PHACTR2: variants seen among roughly 807,000 people sequenced by gnomAD.
PHACTR2 encodes chromosome 6 open reading frame 56.
A neutral mutation model predicts 76.0 loss-of-function variants in PHACTR2; 30 were observed. The observed-to-expected ratio is 0.39, with a 90% CI of 0.30 to 0.54. The LOEUF (loss-of-function observed/expected upper bound fraction) is 0.54, where lower values mean the gene tolerates loss of function less well. Among genes scored for constraint, PHACTR2 ranks in the 20% least tolerant of loss-of-function variants. The probability of loss-of-function intolerance (pLI) is 0.61; values close to 1 mark genes in which losing one functional copy is unlikely to be tolerated. For synonymous variants in PHACTR2, 292 were observed against 292.5 expected (o/e 1.00, Z 0.02); for missense variants, 696 against 781.1 (o/e 0.89, Z 1.30).
rs1354560877 is a variant in PHACTR2, at chr6:143,599,710, A to G, written c.217+62503A>G. ...TGCTAGCCTATAAGAACAGCTCATT[A>G]AGATCCAACCTATACCTTTCCCCCT... is the stretch of plus-strand genomic sequence containing the variant. On this transcript the variant is annotated intron_variant, in intron 1 of 11. Coordinates refer to the PHACTR2 transcript ENST00000367584. This position sits in a 1 kb window ranked among gnomAD's most constrained non-coding sequence, Gnocchi z 4.6. Among the ~76,000 whole-genome samples, 1 of 152,202 alleles carries G rather than the reference A, an allele frequency of 6.6e-6. No individual in the cohort carries two copies.
In PHACTR2 at chr6:143,624,578, T is replaced by C. The variant is rs1776221560; in HGVS notation, c.13+16256T>C. On this transcript the variant is annotated intron_variant, in intron 1 of 11. Coordinates refer to the PHACTR2 transcript ENST00000305766. The surrounding 1 kb of genome is among the most constrained non-coding windows in gnomAD (Gnocchi z 4.6). The stretch of plus-strand genomic sequence containing the variant: ...GGATTATATCACCACTCTTTTTTAA[T>C]GTTGTGGGAAGCAGTTTATTTTCAT... 6.6e-6 allele frequency among the ~76,000 whole-genome samples: 1 copy of C among 152,206 alleles called. No individual in the cohort carries two copies. Among genetic ancestry groups the C allele is most frequent in the Non-Finnish European group, 1.5e-5 (1 of 68,032 alleles).
intron 1 of PHACTR2, among the ~76,000 whole-genome samples, chr6:143,642,567 A>G (rs1776585868): frequency 6.6e-6 from 1 of 152,200 alleles, no homozygotes; most frequent in Non-Finnish European, 1.5e-5. Flanking sequence ...ACCTCAGAAC[A>G]TGACCTTATT....
chr6:143,720,517 T>G (rs970470227), intron 2 of PHACTR2, among the ~76,000 whole-genome samples: 6 of 152,222 alleles, frequency 3.9e-5, no homozygotes, highest in East Asian at 1.9e-4. Context: ...CTTTCAGTAA[T>G]GGTGTGGACA....
chr6:143,622,871 A>T (rs1396230207), intron 1 of PHACTR2, among the ~76,000 whole-genome samples: 6 of 152,222 alleles, frequency 3.9e-5, no homozygotes, highest in Non-Finnish European at 5.9e-5. Flanking sequence ...ATGAAGGAAG[A>T]TGTACCATAT....
rs1230878988 is a variant in PHACTR2 at position 143,771,168 on chromosome 6, A to ATGTG, written c.1233-1089_1233-1088insGTGT. Among the ~76,000 whole-genome samples the ATGTG allele has an allele frequency of 6.6e-3, 186 of 28,040 alleles. 7 individuals carry two copies. The highest frequency in any genetic ancestry group is 0.034 in the African/African-American group (179 of 5,318). The allele number at this position is 28,040 out of a possible 152,430, so 18.4% of individuals were successfully genotyped here. A position where few individuals can be genotyped will look rare whatever the true frequency, so the allele number is the denominator to read the frequency against. Reference sequence around the variant, plus strand: ...TGTATATATATATATGTATATATATATATATGTATATATATATATATGTGT... The same window carrying ATGTG: ...TGTATATATATATATGTATATATATATGTGTATATGTATATATATATATATGTGT... On this transcript the variant is annotated intron_variant, in intron 6 of 12. Transcript: ENST00000440869.
rs181770244 is a variant in PHACTR2 at position 143,817,982 on chromosome 6, A to G, written c.1923-5692A>G. 1.3e-3 allele frequency among the ~76,000 whole-genome samples: 202 copies of G among 152,314 alleles called. 1 individual carries two copies. Among genetic ancestry groups the G allele is most frequent in the African/African-American group, 4.7e-3 (196 of 41,572 alleles). On this transcript the variant is annotated intron_variant, in intron 12 of 12. Transcript: ENST00000440869. ...TATTGCATATGTTCAAAAAGCTAGA[A>G]GAGAGAATTTTGAATGTTCCTGACA...
Position 143,598,293 on chromosome 6 carries a change from G to A in PHACTR2, c.217+61086G>A, listed in dbSNP as rs1277240519. On this transcript the variant is annotated intron_variant, in intron 1 of 11. Transcript: ENST00000367584. The surrounding 1 kb of genome is among the most constrained non-coding windows in gnomAD (Gnocchi z 4.1). ...GACAAGAAGGTTAAAAGAGGAGAAG[G>A]CAATGTGACAATGAAGACAAATTTT... Among the ~76,000 whole-genome samples the A allele has an allele frequency of 6.6e-6, 1 of 152,110 alleles. No homozygotes were observed. Among genetic ancestry groups the A allele is most frequent in the Non-Finnish European group, 1.5e-5 (1 of 68,036 alleles).
In PHACTR2 at chr6:143,822,390, C is replaced by T. The variant is rs1284329495; in HGVS notation, c.1923-1284C>T. Among the ~76,000 whole-genome samples the T allele has an allele frequency of 1.3e-5, 2 of 152,016 alleles. No individual in the cohort carries two copies. The highest frequency in any genetic ancestry group is 2.9e-5 in the Non-Finnish European group (2 of 68,006). ...CCTTTTGAGAAAGAACTGGGTTGGG[C>T]GCAGTGGCTCGTACCTGTAATCACA... On this transcript the variant is annotated intron_variant, in intron 12 of 12. Transcript: ENST00000440869. This position sits in a 1 kb window ranked among gnomAD's most constrained non-coding sequence, Gnocchi z 5.5.
rs1047576128 is a variant in PHACTR2 at position 143,570,498 on chromosome 6, C to T, written c.217+33291C>T. ...ACATCGACTGCATTTCAAATACAGCCATGAAAATGTTCTATCAATAGCTTT... is the reference window on the plus strand; with the variant it reads ...ACATCGACTGCATTTCAAATACAGCTATGAAAATGTTCTATCAATAGCTTT... On this transcript the variant is annotated intron_variant, in intron 1 of 11. Transcript: ENST00000367584. This position sits in a 1 kb window ranked among gnomAD's most constrained non-coding sequence, Gnocchi z 4.6. Among the ~76,000 whole-genome samples the T allele has an allele frequency of 6.6e-6, 1 of 152,100 alleles. No homozygotes were observed. The highest frequency in any genetic ancestry group is 1.9e-4 in the East Asian group (1 of 5,198).
In PHACTR2 at chr6:143,789,878, A is replaced by G. The variant is rs1296590327; in HGVS notation, c.1845+968A>G. ...AAAGTAAGAAGGAATAAGATCACAA[A>G]GGAAGAATGTTCAGAACAAGAATAG... is the stretch of plus-strand genomic sequence containing the variant. On this transcript the variant is annotated intron_variant, in intron 11 of 12. Coordinates refer to ENST00000440869, the MANE Select transcript of PHACTR2 (RefSeq NM_001100164.2). The surrounding 1 kb of genome is among the most constrained non-coding windows in gnomAD (Gnocchi z 5.1). Among the ~76,000 whole-genome samples the G allele has an allele frequency of 6.6e-6, 1 of 152,216 alleles. No homozygotes were observed. Among genetic ancestry groups the G allele is most frequent in the East Asian group, 1.9e-4 (1 of 5,200 alleles).
chr6:143,805,539 G>T (rs1310141672), intron 11 of PHACTR2, among the ~76,000 whole-genome samples: 1 of 151,388 alleles, frequency 6.6e-6, no homozygotes, highest in Admixed American at 6.6e-5. Flanking sequence ...ATGTTAATTG[G>T]CGAGTGGTAT....
At position 143,684,000 on chromosome 6, in the gene PHACTR2, A is replaced by G. The variant is rs1562268900; in HGVS notation, c.46+5791A>G. Among the ~76,000 whole-genome samples the G allele has an allele frequency of 6.6e-6, 1 of 152,202 alleles. No homozygotes were observed. The highest frequency in any genetic ancestry group is 1.5e-5 in the Non-Finnish European group (1 of 68,028). On this transcript the variant is annotated intron_variant, in intron 1 of 12. Transcript: ENST00000440869. The surrounding 1 kb of genome is among the most constrained non-coding windows in gnomAD (Gnocchi z 4.1). ...AAATACTTCCAACTTGTTCTCTTTA[A>G]TTCTATAAATGAACACTATTATAGT...
rs1349128439 is a variant in PHACTR2 at position 143,653,858 on chromosome 6, CAA to C, written c.13+45537_13+45538del. On this transcript the variant is annotated intron_variant, in intron 1 of 11. Transcript: ENST00000305766. The surrounding 1 kb of genome is among the most constrained non-coding windows in gnomAD (Gnocchi z 4.9). ...CTAAAAGCACGAAAAACAAAAGAAACAATAATAATTTGGACATCATCAAACTA... is the reference window on the plus strand; with the variant it reads ...CTAAAAGCACGAAAAACAAAAGAAACTAATAATTTGGACATCATCAAACTA... Among the ~76,000 whole-genome samples, 2 of 151,922 alleles carry C rather than the reference CAA, an allele frequency of 1.3e-5. No homozygotes were observed. The highest frequency in any genetic ancestry group is 3.9e-4 in the East Asian group (2 of 5,194).
chr6:143,759,616 G>A (rs559481745), intron 4 of PHACTR2, among the ~76,000 whole-genome samples: 67 of 145,468 alleles, frequency 4.6e-4, no homozygotes, highest in African/African-American at 1.6e-3. Flanking sequence ...GTGAGAGAGC[G>A]AGACCCTATC....
chr6:143,567,469 G>A (rs964144092), intron 1 of PHACTR2, among the ~76,000 whole-genome samples: 2 of 152,194 alleles, frequency 1.3e-5, no homozygotes, highest in African/African-American at 4.8e-5. Context: ...CATGATCTCA[G>A]CTCACTGCAA....
rs755624152 is a variant in PHACTR2 at position 143,824,445 on chromosome 6, C to A, written c.*756C>A. On this transcript the variant is annotated 3_prime_UTR_variant, in exon 13 of 13. Coordinates refer to ENST00000440869, the MANE Select transcript of PHACTR2 (RefSeq NM_001100164.2). The surrounding 1 kb of genome is among the most constrained non-coding windows in gnomAD (Gnocchi z 6.3). ...AGTAGCATTAGCTATGCACACTTGA[C>A]ATTTTTAAATATCCCTTTCCTAGTG... 6.6e-6 allele frequency: 1 copy of A among 152,614 alleles called. No homozygotes were observed. The highest frequency in any genetic ancestry group is 2.4e-5 in the African/African-American group (1 of 41,436). 9.5% of individuals were successfully genotyped at this position (152,614 alleles called of 1,614,324 possible).
chr6:143,711,686 C>A (rs1778179197), intron 1 of PHACTR2, among the ~76,000 whole-genome samples: 2 of 152,298 alleles, frequency 1.3e-5, no homozygotes, highest in African/African-American at 4.8e-5. Context: ...ACTTAGAATA[C>A]TCTATTCCTG....
chr6:143,577,544 T>G (rs1363393412), intron 1 of PHACTR2, among the ~76,000 whole-genome samples: 1 of 152,154 alleles, frequency 6.6e-6, no homozygotes, highest in African/African-American at 2.4e-5. Context: ...GGCATTGAGA[T>G]GAGAATGCCC....
chr6:143,699,304 A>T (rs9496737), intron 1 of PHACTR2, among the ~76,000 whole-genome samples: 7,559 of 151,962 alleles, frequency 0.05, 609 homozygotes, highest in African/African-American at 0.17. Context: ...ACACCCCGAC[A>T]CCCAGGGCTC....
Sources: gnomAD v4.1 joint callset for allele counts (sites outside exome capture counted in the v4.1 genomes callset) on GRCh38, gnomAD v4.1.1 for gene constraint, Gnocchi (gnomAD v3.1) non-coding constraint, MANE v1.5 for transcripts, NCBI Gene and HGNC (gene_info 2026-07-23, HGNC 2026-07-21) for gene names.